CYP2C19: variants seen among roughly 807,000 people sequenced by gnomAD.
CYP2C19 encodes cytochrome P450 family 2 subfamily C member 19, also known as cytochrome P450 2C19.
A neutral mutation model predicts 40.9 loss-of-function variants in CYP2C19; 59 were observed. The ratio of observed to expected loss-of-function variants is 1.44; its 90% CI spans 1.17 to 1.79. CYP2C19 has a LOEUF of 1.79. Among genes scored for constraint, CYP2C19 ranks in the 40% most tolerant of loss-of-function variants. The probability of loss-of-function intolerance (pLI) is 0.00; values close to 1 mark genes in which losing one functional copy is unlikely to be tolerated. For missense variants in CYP2C19, 754 were observed against 596.9 expected (o/e 1.26, Z -2.74); for synonymous variants, 253 against 208.7 (o/e 1.21, Z -1.83).
intron 7 of CYP2C19, among the ~76,000 whole-genome samples, chr10:94,844,181 T>C (rs1348804232): frequency 6.6e-6 from 1 of 152,224 alleles, no homozygotes; most frequent in Non-Finnish European, 1.5e-5. Flanking sequence ...ACTTTTCTTC[T>C]TGTGATCACT....
At chr10:94,848,363 AG>A (rs1292229003) in intron 7 of CYP2C19, among the ~76,000 whole-genome samples, 31 of 152,058 alleles carry the variant, frequency 2.0e-4, no homozygotes, top group African/African-American at 7.2e-4. Context: ...GTTTTTGTCA[AG>A]TTTGTCAAAG....
intron 5 of CYP2C19, among the ~76,000 whole-genome samples, chr10:94,790,926 A>C (rs564794609): frequency 1.7e-4 from 26 of 152,160 alleles, no homozygotes; most frequent in African/African-American, 6.3e-4. Context: ...TGATTGGAAT[A>C]GTTTCAGAAG....
chr10:94,804,359 C>T (rs1323870179), intron 5 of CYP2C19, among the ~76,000 whole-genome samples: 1 of 152,176 alleles, frequency 6.6e-6, no homozygotes, highest in African/African-American at 2.4e-5. Flanking sequence ...GCTGTGGAGG[C>T]CCCTACCTTC....
chr10:94,833,258 C>G (rs1849357656), intron 6 of CYP2C19, among the ~76,000 whole-genome samples: 1 of 152,122 alleles, frequency 6.6e-6, no homozygotes, highest in Non-Finnish European at 1.5e-5. Context: ...ATATCTTTCT[C>G]TTGCCTGATT....
chr10:94,807,396 T>C (rs1294444184), intron 5 of CYP2C19, among the ~76,000 whole-genome samples: 6 of 152,126 alleles, frequency 3.9e-5, no homozygotes, highest in Non-Finnish European at 1.5e-5. Context: ...TATCTTTTCA[T>C]CTGGTTATAT....
intron 5 of CYP2C19, among the ~76,000 whole-genome samples, chr10:94,804,519 C>G (rs1476938690): frequency 6.6e-6 from 1 of 152,220 alleles, no homozygotes; most frequent in Non-Finnish European, 1.5e-5. Context: ...ATGTGTGCAG[C>G]TTTTCCTGGT....
At position 94,768,812 on chromosome 10, in the gene CYP2C19, G is replaced by A. The variant is rs141822414; in HGVS notation, c.168+5939G>A. ...GAGGTATCCCTGCTCTCTCTGTGAC[G>A]TATAAAGAGTTTTGTCCTGTGGGAA... On this transcript the variant is annotated intron_variant, in intron 1 of 8. Coordinates refer to ENST00000371321, the MANE Select transcript of CYP2C19 (RefSeq NM_000769.4). Among the ~76,000 whole-genome samples the A allele has an allele frequency of 3.2e-3, 488 of 152,226 alleles. 3 individuals carry two copies. Among genetic ancestry groups the A allele is most frequent in the African/African-American group, 0.011 (450 of 41,542 alleles).
chr10:94,818,529 A>G (rs1446355412), intron 5 of CYP2C19, among the ~76,000 whole-genome samples: 40 of 145,148 alleles, frequency 2.8e-4, no homozygotes, highest in African/African-American at 9.9e-4. Context: ...TGAGCATGGA[A>G]TGTTCTTCCA....
chr10:94,837,368 C>G (rs1435601868), intron 6 of CYP2C19, among the ~76,000 whole-genome samples: 1 of 152,056 alleles, frequency 6.6e-6, no homozygotes, highest in Non-Finnish European at 1.5e-5. Context: ...TTAACTTGAA[C>G]AGGACAGGCA....
chr10:94,776,049 T>G (rs893224944), intron 3 of CYP2C19: 4 of 162,296 alleles, frequency 2.5e-5, no homozygotes, highest in African/African-American at 9.6e-5. Flanking sequence ...CTTGCCATTC[T>G]GGCCAGTAAT....
At chr10:94,810,609 T>A (rs928248891) in intron 5 of CYP2C19, among the ~76,000 whole-genome samples, 3 of 152,152 alleles carry the variant, frequency 2.0e-5, no homozygotes, top group African/African-American at 7.2e-5. Context: ...CCTGGTTTGG[T>A]CTTGGGAGGG....
intron 2 of CYP2C19, 82 bp from the exon 3 acceptor site, chr10:94,775,308 G>GC (rs1202767780): frequency 1.3e-5 from 21 of 1,612,400 alleles, no homozygotes; most frequent in Middle Eastern, 4.2e-4. Flanking sequence ...GCAGAGCTTG[G>GC]CCCATCCACA....
intron 1 of CYP2C19, among the ~76,000 whole-genome samples, chr10:94,763,096 A>C (rs779659244): frequency 4.6e-5 from 7 of 152,340 alleles, no homozygotes; most frequent in African/African-American, 9.6e-5. Context: ...TGTTAAATTC[A>C]GAATAACAAA....
intron 6 of CYP2C19, among the ~76,000 whole-genome samples, chr10:94,826,490 A>AT (rs1849224928): frequency 6.6e-6 from 1 of 152,118 alleles, no homozygotes; most frequent in Non-Finnish European, 1.5e-5. Flanking sequence ...AATGCTTGTG[A>AT]TTTTTGTACA....
chr10:94,814,426 A>G (rs1305969048), intron 5 of CYP2C19, among the ~76,000 whole-genome samples: 3 of 151,824 alleles, frequency 2.0e-5, no homozygotes, highest in Admixed American at 2.0e-4. Flanking sequence ...AACAATTGCT[A>G]TTCCAAAATC....
intron 6 of CYP2C19, among the ~76,000 whole-genome samples, chr10:94,826,827 C>T (rs1394417939): frequency 5.3e-5 from 8 of 152,136 alleles, no homozygotes; most frequent in East Asian, 1.9e-4. Context: ...TTTTGAAATA[C>T]ATCCCATCAA....
At chr10:94,773,104 C>G (rs947839577) in intron 1 of CYP2C19, among the ~76,000 whole-genome samples, 1 of 152,180 alleles carries the variant, frequency 6.6e-6, no homozygotes, top group East Asian at 1.9e-4. Context: ...AACTGGCTGA[C>G]AGGTGCCCAG....
chr10:94,778,572 C>T (rs1423428572), intron 3 of CYP2C19, among the ~76,000 whole-genome samples: 3 of 152,172 alleles, frequency 2.0e-5, no homozygotes, highest in African/African-American at 7.2e-5. Flanking sequence ...GAGGTAAAAT[C>T]TCATGCCAGT....
chr10:94,767,861 A>G (rs910695370), intron 1 of CYP2C19, among the ~76,000 whole-genome samples: 3 of 152,278 alleles, frequency 2.0e-5, no homozygotes, highest in Non-Finnish European at 4.4e-5. Context: ...GTCAGGGAAT[A>G]CTGGGGCTTA....
Sources: allele counts gnomAD v4.1 joint callset (sites outside exome capture counted in the v4.1 genomes callset), GRCh38; gene constraint gnomAD v4.1.1; transcripts MANE v1.5; gene names NCBI Gene and HGNC (gene_info 2026-07-23, HGNC 2026-07-21).